The following CASK variants were observed in gnomAD, a reference collection of about 807,000 sequenced individuals.
The protein encoded by CASK is peripheral plasma membrane protein CASK.
Under a neutral mutation model 82.9 loss-of-function variants are expected in CASK, and 4 were observed. The observed-to-expected ratio is 0.05, with a 90% CI of 0.02 to 0.11. CASK has a LOEUF of 0.11. CASK is among the 10% of genes least tolerant of loss of function. The probability of loss-of-function intolerance (pLI) is 1.00; values close to 1 mark genes in which losing one functional copy is unlikely to be tolerated. For missense variants in CASK, 358 were observed against 720.9 expected, an observed-to-expected ratio of 0.50 and a Z score of 5.76; for synonymous variants, 259 against 253.5, an observed-to-expected ratio of 1.02 and a Z score of -0.20.
chrX:41,753,674 C>T (rs779420582), intron 3 of CASK, among the ~76,000 whole-genome samples: 14 of 111,983 alleles, frequency 1.3e-4, no homozygotes, highest in African/African-American at 4.5e-4. Flanking sequence ...TCATTTGAGG[C>T]CAGGAGTTCG....
At chrX:41,876,525 T>C (rs894846266) in intron 1 of CASK, among the ~76,000 whole-genome samples, 19 of 111,936 alleles carry the variant, frequency 1.7e-4, no homozygotes, top group African/African-American at 6.2e-4. Flanking sequence ...TTTTATATAT[T>C]GAGAAGGTGT....
chrX:41,700,064 C>T (rs908721105), intron 5 of CASK, among the ~76,000 whole-genome samples: 2 of 111,770 alleles, frequency 1.8e-5, no homozygotes, highest in Non-Finnish European at 3.8e-5. Context: ...CTCATACATG[C>T]AAAACCAAAT....
In CASK at chrX:41,770,972, C is replaced by A. The variant is rs1028020658; in HGVS notation, c.278+16206G>T. Among the ~76,000 whole-genome samples the A allele has an allele frequency of 3.6e-5, 4 of 111,639 alleles. No homozygotes were observed. The Admixed American group carries it at 3.8e-4, about 11-fold the overall frequency. On this transcript the variant is annotated intron_variant, in intron 3 of 26. Coordinates refer to ENST00000378163, the MANE Select transcript of CASK (RefSeq NM_001367721.1). ...GACGAAAGAGATAAAGGGGCAGAAG[C>A]AACATTTGAAGAAATAATGGCTGAG...
intron 16 of CASK, among the ~76,000 whole-genome samples, chrX:41,563,284 G>A (rs1305384811): frequency 3.0e-5 from 3 of 99,148 alleles, no homozygotes; most frequent in Non-Finnish European, 4.0e-5. Context: ...TTGAGCCCAG[G>A]AGTTCGAGGT....
chrX:41,525,536 C>T (rs1399074756), intron 25 of CASK, among the ~76,000 whole-genome samples: 1 of 111,160 alleles, frequency 9.0e-6, no homozygotes, highest in Non-Finnish European at 1.9e-5. Context: ...GTACCCATCA[C>T]GTGGGAAACC....
chrX:41,916,643 C>T (rs2072694908), intron 1 of CASK, among the ~76,000 whole-genome samples: 1 of 112,309 alleles, frequency 8.9e-6, no homozygotes, highest in Non-Finnish European at 1.9e-5. Context: ...CTCACAGACT[C>T]AGCGGCTGCA....
intron 5 of CASK, among the ~76,000 whole-genome samples, chrX:41,693,679 T>C (rs752716153): frequency 7.2e-4 from 80 of 111,734 alleles, no homozygotes; most frequent in Non-Finnish European, 1.3e-3. Flanking sequence ...AACATGCCTA[T>C]ACCTTTCTAT....
At chrX:41,834,974 G>A (rs1601885191) in intron 2 of CASK, among the ~76,000 whole-genome samples, 1 of 111,508 alleles carries the variant, frequency 9.0e-6, no homozygotes, top group East Asian at 2.8e-4. Context: ...TGTACAGACT[G>A]AATTTTCCAG....
Position 41,830,589 on chromosome X carries a change from G to A in CASK, c.172+22526C>T, listed in dbSNP as rs776136325. 9.9e-3 allele frequency among the ~76,000 whole-genome samples: 1,089 copies of A among 109,715 alleles called. 16 individuals are homozygous for A. The highest frequency in any genetic ancestry group is 0.034 in the African/African-American group (1,031 of 30,260). The stretch of plus-strand genomic sequence containing the variant: ...TAATCCCAGCACTTTGGGAGGCCAA[G>A]GTGGGCGGATCATGAAGTCAGTAGA... On this transcript the variant is annotated intron_variant, in intron 2 of 26. Coordinates refer to ENST00000378163, the MANE Select transcript of CASK (RefSeq NM_001367721.1).
intron 14 of CASK, 58 bp from the exon 15 acceptor site, chrX:41,578,586 T>TTTTA (rs1237308818): frequency 2.6e-5 from 22 of 862,625 alleles, no homozygotes; most frequent in Admixed American, 5.1e-5. Flanking sequence ...CAGAAATTTA[T>TTTTA]TTTATTTATT....
chrX:41,834,228 A>G (rs73472545), intron 2 of CASK, among the ~76,000 whole-genome samples: 1 of 111,745 alleles, frequency 8.9e-6, no homozygotes, highest in African/African-American at 3.3e-5. Context: ...AGATTTTGAT[A>G]CATATTACAA....
intron 7 of CASK, among the ~76,000 whole-genome samples, chrX:41,662,796 A>G (rs1167035484): frequency 9.0e-6 from 1 of 110,793 alleles, no homozygotes; most frequent in Non-Finnish European, 1.9e-5. Flanking sequence ...CTGTCTCAAA[A>G]AAGAACCACC....
At chrX:41,588,663 A>G (rs1233018032) in intron 13 of CASK, 1 of 110,632 alleles carries the variant, frequency 9.0e-6, no homozygotes, top group Non-Finnish European at 1.9e-5. Flanking sequence ...AGTCTTTCAC[A>G]TAGTAATTTC....
intron 6 of CASK, among the ~76,000 whole-genome samples, chrX:41,670,076 T>C (rs2067175579): frequency 8.9e-6 from 1 of 112,434 alleles, no homozygotes. Flanking sequence ...TAAGGAGTTA[T>C]CCAAAAATGA....
chrX:41,815,012 A>C (rs186803909), intron 2 of CASK, among the ~76,000 whole-genome samples: 217 of 111,713 alleles, frequency 1.9e-3, no homozygotes, highest in Non-Finnish European at 3.4e-3. Context: ...GAAGCAAAGC[A>C]GTGCATGCAG....
At chrX:41,563,442 A>T (rs2065262045) in intron 16 of CASK, among the ~76,000 whole-genome samples, 1 of 107,991 alleles carries the variant, frequency 9.3e-6, no homozygotes, top group East Asian at 2.8e-4. Context: ...ATAGAAAGTT[A>T]AAAAAAAAGG....
At chrX:41,550,742 A>G (rs192545503) in intron 21 of CASK, among the ~76,000 whole-genome samples, 58 of 108,747 alleles carry the variant, frequency 5.3e-4, no homozygotes, top group Admixed American at 4.8e-3. Flanking sequence ...ACAAAAAAAA[A>G]AAAAAGAAAA....
chrX:41,904,234 T>G (rs377503379), intron 1 of CASK, among the ~76,000 whole-genome samples: 5 of 112,145 alleles, frequency 4.5e-5, no homozygotes, highest in East Asian at 2.8e-4. Context: ...TTTCTTTTTT[T>G]GGGGAAAGGA....
At chrX:41,620,193 G>C (rs1457324619) in intron 11 of CASK, among the ~76,000 whole-genome samples, 1 of 111,797 alleles carries the variant, frequency 8.9e-6, no homozygotes, top group Non-Finnish European at 1.9e-5. Flanking sequence ...GACATTTCCT[G>C]TTTTTAAAAG....
Sources: gnomAD v4.1 joint callset for allele counts (sites outside exome capture counted in the v4.1 genomes callset) on GRCh38, gnomAD v4.1.1 for gene constraint, MANE v1.5 for transcripts, NCBI Gene and HGNC (gene_info 2026-07-23, HGNC 2026-07-21) for gene names.